OTUD7A: variants seen among roughly 807,000 people sequenced by gnomAD.
OTUD7A encodes the protein OTU domain-containing protein 7A.
In OTUD7A, 12 loss-of-function variants were observed where a neutral mutation model predicts 65.7. That is an observed-to-expected ratio of 0.18 (90% CI 0.12 to 0.30). The LOEUF (loss-of-function observed/expected upper bound fraction) is 0.30. OTUD7A is among the 10% of genes least tolerant of loss of function. The probability of loss-of-function intolerance (pLI) is 1.00; values close to 1 mark genes in which losing one functional copy is unlikely to be tolerated. For synonymous variants in OTUD7A, 641 were observed against 586.3 expected, an observed-to-expected ratio of 1.09 and a Z score of -1.35; for missense variants, 1,148 against 1,304.8, an observed-to-expected ratio of 0.88 and a Z score of 1.85.
intron 1 of OTUD7A, among the ~76,000 whole-genome samples, chr15:31,678,755 G>A (rs963365713): frequency 4.6e-5 from 7 of 152,236 alleles, no homozygotes; most frequent in Admixed American, 1.3e-4. Flanking sequence ...AAGCCCTCAT[G>A]AAGAACCTCT....
At chr15:31,819,417 C>G (rs1896625641) in intron 1 of OTUD7A, among the ~76,000 whole-genome samples, 1 of 151,794 alleles carries the variant, frequency 6.6e-6, no homozygotes, top group African/African-American at 2.4e-5. Flanking sequence ...ATCTAAAAAC[C>G]AAAAAGTAAA....
At chr15:31,641,598 GTTTTTCATCTCT>G in intron 3 of OTUD7A, among the ~76,000 whole-genome samples, 1 of 151,974 alleles carries the variant, frequency 6.6e-6, no homozygotes, top group Non-Finnish European at 1.5e-5. Context: ...CTTTATTTAG[GTTTTTCATCTCT>G]TTAAGCAATG....
intron 1 of OTUD7A, among the ~76,000 whole-genome samples, chr15:31,796,724 C>T (rs1026014155): frequency 8.3e-5 from 11 of 132,956 alleles, no homozygotes; most frequent in African/African-American, 2.9e-4. Context: ...TATATTTAGA[C>T]AGAGCTTTCA....
intron 1 of OTUD7A, among the ~76,000 whole-genome samples, chr15:31,783,458 C>T (rs932660914): frequency 1.3e-5 from 2 of 152,310 alleles, no homozygotes; most frequent in South Asian, 4.1e-4. Context: ...CAAATTAAGG[C>T]AATAGCAACC....
chr15:31,626,292 C>A (rs11071236), intron 3 of OTUD7A, among the ~76,000 whole-genome samples: 1 of 151,798 alleles, frequency 6.6e-6, no homozygotes, highest in African/African-American at 2.4e-5. Context: ...TTGAAATATA[C>A]AAAAAATTAG....
Position 31,515,653 on chromosome 15 carries a change from TCATC to T in OTUD7A, c.893+10692_893+10695del, listed in dbSNP as rs1328901081. Among the ~76,000 whole-genome samples, 23 of 112,166 alleles carry T rather than the reference TCATC, an allele frequency of 2.1e-4. No homozygotes were observed. In the Admixed American group the frequency reaches 2.4e-3, roughly 12 times the overall value. 73.6% of individuals were successfully genotyped at this position (112,166 alleles called of 152,430 possible). ...CTCTTCCTTCCCTCCCTCTCTCTCT[TCATC>T]CATCCATCTATTGATCCACCCATCC... On this transcript the variant is annotated intron_variant, in intron 8 of 12. Coordinates refer to ENST00000307050, the MANE Select transcript of OTUD7A (RefSeq NM_001382637.1).
intron 1 of OTUD7A, among the ~76,000 whole-genome samples, chr15:31,794,949 G>A (rs1595774025): frequency 6.6e-6 from 1 of 152,204 alleles, no homozygotes; most frequent in African/African-American, 2.4e-5. Context: ...GTTGTCCAGA[G>A]TTTAGTCATT....
At chr15:31,635,705 T>A (rs1309498330) in intron 3 of OTUD7A, among the ~76,000 whole-genome samples, 1 of 152,198 alleles carries the variant, frequency 6.6e-6, no homozygotes, top group Non-Finnish European at 1.5e-5. Context: ...AAAAAGTCGA[T>A]GTAACTGGAG....
chr15:31,686,976 C>T (rs1595708532), intron 1 of OTUD7A, among the ~76,000 whole-genome samples: 1 of 152,184 alleles, frequency 6.6e-6, no homozygotes, highest in Non-Finnish European at 1.5e-5. Flanking sequence ...AATTCATATT[C>T]GTGTGTAGCT....
At chr15:31,714,000 G>A (rs12591466) in intron 1 of OTUD7A, among the ~76,000 whole-genome samples, 22,319 of 143,334 alleles carry the variant, frequency 0.16, 2,124 homozygotes, top group East Asian at 0.49. Context: ...AAGATGTGAC[G>A]CAACCAGGGC....
chr15:31,818,202 A>G (rs1166481348), intron 1 of OTUD7A, among the ~76,000 whole-genome samples: 1 of 152,212 alleles, frequency 6.6e-6, no homozygotes, highest in Non-Finnish European at 1.5e-5. Flanking sequence ...ATAATTACCC[A>G]GTCTAAGTGA....
At chr15:31,791,217 G>T (rs1895805233) in intron 1 of OTUD7A, among the ~76,000 whole-genome samples, 1 of 152,072 alleles carries the variant, frequency 6.6e-6, no homozygotes, top group African/African-American at 2.4e-5. Flanking sequence ...AGTAGAGACG[G>T]GGTTTCACCA....
At chr15:31,808,849 G>T (rs1341513375) in intron 1 of OTUD7A, among the ~76,000 whole-genome samples, 2 of 152,374 alleles carry the variant, frequency 1.3e-5, no homozygotes, top group South Asian at 4.1e-4. Flanking sequence ...GAGCTGGACT[G>T]AAGGAGTCCA....
intron 4 of OTUD7A, among the ~76,000 whole-genome samples, chr15:31,564,486 A>G (rs1299787006): frequency 6.6e-6 from 1 of 151,944 alleles, no homozygotes; most frequent in Non-Finnish European, 1.5e-5. Flanking sequence ...TATCTAAATA[A>G]GATTGAGAGC....
intron 3 of OTUD7A, among the ~76,000 whole-genome samples, chr15:31,634,572 C>A (rs879574898): frequency 1.3e-4 from 20 of 152,250 alleles, no homozygotes; most frequent in Non-Finnish European, 2.6e-4. Flanking sequence ...GAGCTCTGTG[C>A]ATGCTCATGG....
chr15:31,598,745 A>C (rs531892031), intron 3 of OTUD7A, among the ~76,000 whole-genome samples: 218 of 152,286 alleles, frequency 1.4e-3, no homozygotes, highest in African/African-American at 4.9e-3. Flanking sequence ...CCAGCAAACT[A>C]AGATGCACTG....
chr15:31,794,238 C>G (rs1895892101), intron 1 of OTUD7A, among the ~76,000 whole-genome samples: 1 of 152,158 alleles, frequency 6.6e-6, no homozygotes, highest in Non-Finnish European at 1.5e-5. Context: ...TCTAAGCTCC[C>G]TATTCTGTGC....
Position 31,638,568 on chromosome 15 carries a change from T to G in OTUD7A, c.151+16528A>C, listed in dbSNP as rs565731180. Among the ~76,000 whole-genome samples the G allele has an allele frequency of 2.2e-4, 33 of 151,410 alleles. No homozygotes were observed. The South Asian group carries it at 5.0e-3, about 23-fold the overall frequency. ...CTGATTTTTGTAGGTTTTTGTTTTT[T>G]TTTTTTTCAATAGAGACGAGGTCTC... On this transcript the variant is annotated intron_variant, in intron 3 of 12. Coordinates refer to ENST00000307050, the MANE Select transcript of OTUD7A (RefSeq NM_001382637.1).
chr15:31,633,023 AC>A (rs142369354), intron 3 of OTUD7A, among the ~76,000 whole-genome samples: 7,930 of 152,110 alleles, frequency 0.052, 422 homozygotes, highest in African/African-American at 0.14. Context: ...GCCGTCTGTC[AC>A]CCCTTTCTTT....
Sources: allele counts gnomAD v4.1 joint callset (sites outside exome capture counted in the v4.1 genomes callset), GRCh38; gene constraint gnomAD v4.1.1; transcripts MANE v1.5; gene names NCBI Gene and HGNC (gene_info 2026-07-23, HGNC 2026-07-21).